ASAP3: variants seen among roughly 807,000 people sequenced by gnomAD.
The protein encoded by ASAP3 is arf-GAP with SH3 domain, ANK repeat and PH domain-containing protein 3.
A neutral mutation model predicts 118.2 loss-of-function variants in ASAP3; 85 were observed. That is an observed-to-expected ratio of 0.72 (90% confidence interval 0.60 to 0.86). ASAP3 has a LOEUF of 0.86. Ranked by LOEUF, ASAP3 falls within the 40% of genes least tolerant of loss-of-function variation. The pLI is 0.00. For synonymous variants in ASAP3, 432 were observed against 477.4 expected (o/e 0.90, Z 1.24); for missense variants, 1,026 against 1,175.0 (o/e 0.87, Z 1.85).
chr1:23,434,650 C>T (rs747692848), intron 17 of ASAP3, 32 bp from the exon 18 acceptor site: 1 of 1,603,034 alleles, frequency 6.2e-7, no homozygotes, highest in African/African-American at 1.3e-5. Flanking sequence ...TGAGATTCCC[C>T]CCCCAGTGCA....
chr1:23,466,160 G>A (rs1326985216), intron 1 of ASAP3, among the ~76,000 whole-genome samples: 1 of 152,232 alleles, frequency 6.6e-6, no homozygotes, highest in African/African-American at 2.4e-5. Context: ...TAGGGAGGCA[G>A]AAACAGACTT....
rs1379502141 is a variant in ASAP3 at position 23,434,739 on chromosome 1, A to G, written c.1750-121T>C. ...CCATAGGAAGCTGCCAGAACCCTGG[A>G]GAGATGAGACTGCAAGGGCAGAGCC... is the stretch of plus-strand genomic sequence containing the variant. On this transcript the variant is annotated intron_variant, in intron 17 of 24. Coordinates refer to ENST00000336689, the MANE Select transcript of ASAP3 (RefSeq NM_017707.4). 4.4e-6 allele frequency: 4 copies of G among 906,752 alleles called. No individual in the cohort carries two copies. The Admixed American group carries it at 8.9e-5, about 20-fold the overall frequency. 56.2% of individuals were successfully genotyped at this position (906,752 alleles called of 1,614,324 possible). A position where few individuals can be genotyped will look rare whatever the true frequency, so the allele number is the denominator to read the frequency against.
intron 1 of ASAP3, among the ~76,000 whole-genome samples, chr1:23,460,270 G>A (rs1641528693): frequency 6.6e-6 from 1 of 152,220 alleles, no homozygotes. Flanking sequence ...ACTTTGGGAG[G>A]CTGAGGCTGG....
intron 1 of ASAP3, among the ~76,000 whole-genome samples, chr1:23,457,846 A>G (rs1485706578): frequency 6.6e-6 from 1 of 152,204 alleles, no homozygotes; most frequent in East Asian, 1.9e-4. Flanking sequence ...CTTCCTGATT[A>G]GCCATGTGTA....
chr1:23,447,715 A>G (rs1641093050), intron 5 of ASAP3, among the ~76,000 whole-genome samples: 1 of 152,198 alleles, frequency 6.6e-6, no homozygotes, highest in Non-Finnish European at 1.5e-5. Context: ...TTTTTTCAGC[A>G]TATGGTACTT....
rs1640692827 is a variant in ASAP3 at position 23,437,052 on chromosome 1, G to A, written c.1343-8C>T. On this transcript the variant is annotated splice_region_variant and splice_polypyrimidine_tract_variant and intron_variant, in intron 14 of 24. Coordinates refer to ENST00000336689, the MANE Select transcript of ASAP3 (RefSeq NM_017707.4). The surrounding 1 kb of genome is among the most constrained non-coding windows in gnomAD (Gnocchi z 6.1). Reference sequence around the variant, plus strand: ...TGCTGAGCCACGTGGGGTCTGCAGAGGAAAGCAGCTGGAGCCTGGAGGTGC... The same window carrying A: ...TGCTGAGCCACGTGGGGTCTGCAGAAGAAAGCAGCTGGAGCCTGGAGGTGC... 3.1e-6 allele frequency: 5 copies of A among 1,609,310 alleles called. No homozygotes were observed. The highest frequency in any genetic ancestry group is 4.2e-6 in the Non-Finnish European group (5 of 1,178,218).
upstream of ASAP3, chr1:23,484,253 C>T: frequency 1.0e-6 from 1 of 981,566 alleles, no homozygotes; most frequent in Non-Finnish European, 1.3e-6. Flanking sequence ...CCCGCCCCTC[C>T]GCACGCCCCG....
chr1:23,470,092 G>C (rs1158130365), intron 1 of ASAP3, among the ~76,000 whole-genome samples: 2 of 152,120 alleles, frequency 1.3e-5, no homozygotes, highest in African/African-American at 2.4e-5. Context: ...TGAATTTTAG[G>C]GCTGTCTCTG....
chr1:23,477,383 A>G (rs2148663784), intron 1 of ASAP3, among the ~76,000 whole-genome samples: 1 of 150,186 alleles, frequency 6.7e-6, no homozygotes, highest in South Asian at 2.1e-4. Flanking sequence ...TCTCAAAAAA[A>G]AAAAAAAAAA....
intron 1 of ASAP3, among the ~76,000 whole-genome samples, chr1:23,477,403 A>ATGTTCCT (rs1642167598): frequency 7.4e-6 from 1 of 135,976 alleles, no homozygotes; most frequent in South Asian, 2.4e-4. Flanking sequence ...AAAAAAGAAG[A>ATGTTCCT]TGTTCCTTGG....
chr1:23,477,032 C>T lies in ASAP3; in HGVS notation c.129+6973G>A, dbSNP rs529218525. Among the ~76,000 whole-genome samples, 17 of 151,640 alleles carry T rather than the reference C, an allele frequency of 1.1e-4. 1 individual carries two copies. The South Asian group carries it at 3.1e-3, about 28-fold the overall frequency. On this transcript the variant is annotated intron_variant, in intron 1 of 24. Transcript: ENST00000336689. ...AGATCTTAATAAAATAATATTTTGTCGGGGGACAGAGTCTTGCTCTGTCGC... is the reference window on the plus strand; with the variant it reads ...AGATCTTAATAAAATAATATTTTGTTGGGGGACAGAGTCTTGCTCTGTCGC...
intron 1 of ASAP3, among the ~76,000 whole-genome samples, chr1:23,465,996 G>A (rs1641755342): frequency 6.6e-6 from 1 of 152,154 alleles, no homozygotes; most frequent in African/African-American, 2.4e-5. Context: ...AAGGGAGAAG[G>A]CAGGGCACAG....
intron 1 of ASAP3, among the ~76,000 whole-genome samples, chr1:23,471,024 GC>G (rs538364942): frequency 6.6e-6 from 1 of 152,210 alleles, no homozygotes; most frequent in Non-Finnish European, 1.5e-5. Flanking sequence ...AACCTGGCCT[GC>G]CCTCTTGGAC....
At chr1:23,456,873 C>A (rs1033808146) in intron 1 of ASAP3, among the ~76,000 whole-genome samples, 1 of 152,120 alleles carries the variant, frequency 6.6e-6, no homozygotes, top group Admixed American at 6.5e-5. Flanking sequence ...TCCATCACCA[C>A]TGGGGAGAAC....
Position 23,437,193 on chromosome 1 carries a change from G to A in ASAP3, c.1279C>T (p.Leu427=), listed in dbSNP as rs1017856685. Residue 427 remains leucine (L), a synonymous_variant, in exon 14 of 25, where the codon CTG becomes TTG. Transcript: ENST00000336689. The surrounding 1 kb of genome is among the most constrained non-coding windows in gnomAD (Gnocchi z 6.1). ...CTGCTCTTCACCTCCGCGATGAGCAGCTTTGTGAGGTCGTGCGGCTCCCCA... is the reference window on the plus strand; with the variant it reads ...CTGCTCTTCACCTCCGCGATGAGCAACTTTGTGAGGTCGTGCGGCTCCCCA... The part of the protein sequence containing the change: ...HDGEPHDLTK[L]LIAEVKSRPG... 1 of 1,606,438 alleles carries A rather than the reference G, an allele frequency of 6.2e-7. No individual in the cohort carries two copies. Among genetic ancestry groups the A allele is most frequent in the African/African-American group, 1.3e-5 (1 of 74,846 alleles).
intron 17 of ASAP3, among the ~76,000 whole-genome samples, chr1:23,434,841 G>A (rs924769591): frequency 6.6e-6 from 1 of 152,034 alleles, no homozygotes; most frequent in African/African-American, 2.4e-5. Context: ...CCCCCAACAA[G>A]TGTTTCCCAA....
rs1558130728 is a variant in ASAP3, at chr1:23,442,531, C to T, written c.555G>A (p.Glu185=). ...PGEVAQDMQR[E]RRIFQLHMCE... is the part of the protein sequence containing the mutation. ...ACATGTGCAGCTGGAAGATGCGCCG[C>T]TCTCTCTGCATGTCCTGGGCCACCT... The change falls in exon 6 of 25, where the codon GAG becomes GAA. Residue 185 remains glutamate (E), a synonymous_variant. Coordinates refer to ENST00000336689, the MANE Select transcript of ASAP3 (RefSeq NM_017707.4). 5 of 1,614,132 alleles carry T rather than the reference C, an allele frequency of 3.1e-6. No homozygotes were observed. The highest frequency in any genetic ancestry group is 2.2e-5 in the East Asian group (1 of 44,876).
chr1:23,448,301 G>C (rs373828170), intron 5 of ASAP3, among the ~76,000 whole-genome samples: 1 of 152,188 alleles, frequency 6.6e-6, no homozygotes, highest in African/African-American at 2.4e-5. Context: ...CCACGCTTAG[G>C]TGGCAGGGAT....
At chr1:23,434,709 T>TC in intron 17 of ASAP3, 91 bp from the exon 18 acceptor site, 3 of 1,260,052 alleles carry the variant, frequency 2.4e-6, no homozygotes, top group Non-Finnish European at 2.3e-6. Context: ...TAACCCCTTA[T>TC]CCCCCCATAG....
Sources: allele counts gnomAD v4.1 joint callset (sites outside exome capture counted in the v4.1 genomes callset), GRCh38; gene constraint gnomAD v4.1.1; non-coding constraint Gnocchi (gnomAD v3.1); transcripts MANE v1.5; gene names NCBI Gene and HGNC (gene_info 2026-07-23, HGNC 2026-07-21).